CLEC16A: variants seen among roughly 807,000 people sequenced by gnomAD.
CLEC16A encodes protein CLEC16A.
In CLEC16A, 51 loss-of-function variants were observed where a neutral mutation model predicts 109.5. The observed-to-expected ratio is 0.47, with a 90% CI of 0.37 to 0.59. CLEC16A has a LOEUF of 0.59. Ranked by LOEUF, CLEC16A falls within the 20% of genes least tolerant of loss-of-function variation. The probability of loss-of-function intolerance (pLI) is 0.00; values close to 1 mark genes in which losing one functional copy is unlikely to be tolerated. For missense variants in CLEC16A, 1,339 were observed against 1,394.0 expected (o/e 0.96, Z 0.63); for synonymous variants, 673 against 564.2 (o/e 1.19, Z -2.73).
chr16:11,098,042 C>T (rs374869997), intron 19 of CLEC16A, among the ~76,000 whole-genome samples: 1 of 152,178 alleles, frequency 6.6e-6, no homozygotes, highest in Admixed American at 6.5e-5. Flanking sequence ...CGCCCGGTGC[C>T]CAGGTCACAC....
At chr16:11,131,077 G>T (rs1276356525) in intron 22 of CLEC16A, among the ~76,000 whole-genome samples, 2 of 152,136 alleles carry the variant, frequency 1.3e-5, no homozygotes, top group East Asian at 3.9e-4. Flanking sequence ...TATGTTGATG[G>T]CTCTCACCCT....
chr16:11,027,564 G>C, intron 13 of CLEC16A: 1 of 1,554,986 alleles, frequency 6.4e-7, no homozygotes, highest in Non-Finnish European at 8.8e-7. Context: ...GGGGAAGTTT[G>C]GCATCATTTG....
chr16:11,155,960 G>A (rs1489151224), intron 22 of CLEC16A, among the ~76,000 whole-genome samples: 1 of 152,122 alleles, frequency 6.6e-6, no homozygotes, highest in African/African-American at 2.4e-5. Flanking sequence ...TAGAACACAC[G>A]GAGCAGGCCA....
chr16:11,108,117 C>T (rs137936546), intron 19 of CLEC16A, among the ~76,000 whole-genome samples: 2 of 152,248 alleles, frequency 1.3e-5, no homozygotes, highest in South Asian at 4.1e-4. Flanking sequence ...TGTCCAGCAG[C>T]TTGGAAGGGT....
chr16:11,115,132 C>T (rs901347213), intron 19 of CLEC16A, among the ~76,000 whole-genome samples: 1 of 152,152 alleles, frequency 6.6e-6, no homozygotes, highest in Non-Finnish European at 1.5e-5. Flanking sequence ...GGGACAAACC[C>T]CATTGACACT....
chr16:11,113,164 A>G (rs1011179447), intron 19 of CLEC16A, among the ~76,000 whole-genome samples: 9 of 152,214 alleles, frequency 5.9e-5, no homozygotes, highest in Non-Finnish European at 1.0e-4. Flanking sequence ...GCTTCACGCC[A>G]TCACCTGGTT....
At chr16:11,085,308 C>A (rs2049950965) in intron 19 of CLEC16A, among the ~76,000 whole-genome samples, 1 of 152,242 alleles carries the variant, frequency 6.6e-6, no homozygotes, top group Admixed American at 6.5e-5. Context: ...GAGGGCACAT[C>A]TGTGGCTTAT....
chr16:11,119,601 A>C (rs905203809), intron 19 of CLEC16A, among the ~76,000 whole-genome samples: 6 of 152,060 alleles, frequency 3.9e-5, no homozygotes, highest in Non-Finnish European at 5.9e-5. Flanking sequence ...CGTGTTGCCC[A>C]GGCTAGTCTC....
intron 22 of CLEC16A, among the ~76,000 whole-genome samples, chr16:11,162,823 A>C (rs1232672997): frequency 1.3e-5 from 2 of 152,174 alleles, no homozygotes; most frequent in Non-Finnish European, 2.9e-5. Context: ...CAATATGCTG[A>C]ATATCCTTGT....
intron 1 of CLEC16A, among the ~76,000 whole-genome samples, chr16:10,947,867 T>A (rs116358996): frequency 0.016 from 2,502 of 152,122 alleles, 65 homozygotes; most frequent in African/African-American, 0.057. Context: ...ATTATTATTT[T>A]TTAAATACAC....
At chr16:10,991,423 C>CAAAAA (rs756161193) in intron 10 of CLEC16A, among the ~76,000 whole-genome samples, 1,086 of 62,838 alleles carry the variant, frequency 0.017, 31 homozygotes, top group African/African-American at 0.043. Context: ...GACTCCGTCT[C>CAAAAA]AAAAAAAAAA....
intron 19 of CLEC16A, among the ~76,000 whole-genome samples, chr16:11,115,751 C>T (rs571213548): frequency 1.2e-4 from 19 of 152,124 alleles, no homozygotes; most frequent in East Asian, 1.2e-3. Context: ...TGATGACTTC[C>T]TTTTTTAATA....
chr16:10,975,922 G>A (rs1251762235), intron 7 of CLEC16A, among the ~76,000 whole-genome samples: 1 of 152,052 alleles, frequency 6.6e-6, no homozygotes, highest in African/African-American at 2.4e-5. Context: ...AAAGTGCTGG[G>A]ATTACAGACA....
chr16:11,116,719 C>T (rs572947325), intron 19 of CLEC16A, among the ~76,000 whole-genome samples: 2 of 152,282 alleles, frequency 1.3e-5, no homozygotes, highest in South Asian at 4.2e-4. Flanking sequence ...TGCATGAGCC[C>T]AGTTTGTTAT....
At chr16:11,082,372 G>C (rs533810329) in intron 19 of CLEC16A, among the ~76,000 whole-genome samples, 120 of 152,332 alleles carry the variant, frequency 7.9e-4, no homozygotes, top group African/African-American at 2.7e-3. Context: ...AGAAGACCTA[G>C]GGTCCGGTCT....
intron 13 of CLEC16A, chr16:11,027,250 C>G: frequency 1.3e-6 from 2 of 1,542,656 alleles, no homozygotes; most frequent in Non-Finnish European, 8.9e-7. Context: ...GAAGTGAAAC[C>G]TCATGCCGTG....
intron 23 of CLEC16A, among the ~76,000 whole-genome samples, chr16:11,166,935 T>A (rs895936603): frequency 1.4e-5 from 2 of 145,990 alleles, no homozygotes; most frequent in Non-Finnish European, 3.0e-5. Flanking sequence ...TTCCTGCTGA[T>A]TTTTTTTTTC....
At chr16:10,970,246 G>A (rs1053880527) in intron 4 of CLEC16A, among the ~76,000 whole-genome samples, 1 of 152,184 alleles carries the variant, frequency 6.6e-6, no homozygotes, top group Non-Finnish European at 1.5e-5. Context: ...CAGGTTGGCT[G>A]CCACTGCCAA....
chr16:11,067,706 G>A (rs973568496), intron 19 of CLEC16A, among the ~76,000 whole-genome samples: 4 of 152,122 alleles, frequency 2.6e-5, no homozygotes, highest in Non-Finnish European at 5.9e-5. Context: ...ATGGGTCAGG[G>A]CAGCATTACA....
Sources: allele counts gnomAD v4.1 joint callset (sites outside exome capture counted in the v4.1 genomes callset), GRCh38; gene constraint gnomAD v4.1.1; transcripts MANE v1.5; gene names NCBI Gene and HGNC (gene_info 2026-07-23, HGNC 2026-07-21).